The following PRKG1 variants were observed in gnomAD, a reference collection of about 807,000 sequenced individuals.
The protein encoded by PRKG1 is cGMP-dependent protein kinase 1.
A neutral mutation model predicts 88.1 loss-of-function variants in PRKG1; 35 were observed. The observed-to-expected ratio is 0.40, with a 90% CI of 0.30 to 0.53. PRKG1 has a LOEUF of 0.53. Among genes scored for constraint, PRKG1 ranks in the 20% least tolerant of loss-of-function variants. PRKG1 has a pLI of 0.59. For synonymous variants in PRKG1, 303 were observed against 292.5 expected, an observed-to-expected ratio of 1.04 and a Z score of -0.37; for missense variants, 540 against 839.8, an observed-to-expected ratio of 0.64 and a Z score of 4.41.
chr10:52,028,281 T>C (rs779309971), intron 5 of PRKG1, among the ~76,000 whole-genome samples: 12 of 152,192 alleles, frequency 7.9e-5, no homozygotes, highest in Admixed American at 6.5e-5. Flanking sequence ...GTACAGCTCC[T>C]ATCTGCACAT....
intron 2 of PRKG1, among the ~76,000 whole-genome samples, chr10:51,466,599 C>A: frequency 6.6e-6 from 1 of 151,978 alleles, no homozygotes. Context: ...ATTTTATCTC[C>A]ATAGTATTTG....
chr10:51,388,893 G>T (rs553678427), intron 2 of PRKG1, among the ~76,000 whole-genome samples: 1 of 152,312 alleles, frequency 6.6e-6, no homozygotes, highest in South Asian at 2.1e-4. Flanking sequence ...AAATACATTT[G>T]CAATAAAGAC....
intron 3 of PRKG1, among the ~76,000 whole-genome samples, chr10:51,768,076 C>T (rs1838215319): frequency 6.6e-6 from 1 of 151,644 alleles, no homozygotes. Context: ...GCAAAAATAT[C>T]TTCAAAATTG....
At chr10:51,310,978 G>A (rs577458240) in intron 2 of PRKG1, among the ~76,000 whole-genome samples, 11 of 152,210 alleles carry the variant, frequency 7.2e-5, no homozygotes, top group Admixed American at 2.6e-4. Flanking sequence ...GTTAGGTTGA[G>A]TCAAGAAGGC....
chr10:52,088,892 A>C (rs999810854), intron 7 of PRKG1, among the ~76,000 whole-genome samples: 1 of 152,208 alleles, frequency 6.6e-6, no homozygotes, highest in African/African-American at 2.4e-5. Context: ...CTAATCAGAA[A>C]ATCAATAATG....
At chr10:52,020,107 G>A (rs557524256) in intron 5 of PRKG1, among the ~76,000 whole-genome samples, 138 of 149,506 alleles carry the variant, frequency 9.2e-4, no homozygotes, top group African/African-American at 3.1e-3. Flanking sequence ...TTAATCTTCT[G>A]TAAAATTAAG....
chr10:51,322,943 T>TA (rs1165461938), intron 2 of PRKG1, among the ~76,000 whole-genome samples: 1 of 152,230 alleles, frequency 6.6e-6, no homozygotes, highest in Admixed American at 6.5e-5. Context: ...GCAGTTACAA[T>TA]ATGCTGGGCA....
At chr10:52,119,309 T>C (rs540696593) in intron 7 of PRKG1, among the ~76,000 whole-genome samples, 1 of 152,286 alleles carries the variant, frequency 6.6e-6, no homozygotes, top group East Asian at 1.9e-4. Flanking sequence ...TTGATCAACA[T>C]TTCACATGTG....
chr10:51,801,212 T>C (rs752963462), intron 3 of PRKG1, among the ~76,000 whole-genome samples: 3 of 152,234 alleles, frequency 2.0e-5, no homozygotes, highest in Non-Finnish European at 2.9e-5. Flanking sequence ...ATGGTCTCTG[T>C]TGCAATTACT....
intron 2 of PRKG1, among the ~76,000 whole-genome samples, chr10:51,254,215 T>A (rs909153629): frequency 2.0e-5 from 3 of 152,004 alleles, no homozygotes; most frequent in African/African-American, 7.2e-5. Context: ...TACAAGCTTG[T>A]AAGTATTCTA....
intron 3 of PRKG1, among the ~76,000 whole-genome samples, chr10:51,671,452 T>C (rs1840574389): frequency 6.6e-6 from 1 of 152,302 alleles, no homozygotes; most frequent in Admixed American, 6.5e-5. Flanking sequence ...GACTCTGTCC[T>C]AGTTTCTTTT....
intron 4 of PRKG1, among the ~76,000 whole-genome samples, chr10:51,886,328 GT>G (rs577234232): frequency 5.3e-5 from 8 of 151,402 alleles, no homozygotes; most frequent in South Asian, 2.1e-4. Context: ...GTAGTTTTGG[GT>G]TTTTTTTTAA....
chr10:51,199,450 T>C (rs1356517348), intron 2 of PRKG1, among the ~76,000 whole-genome samples: 1 of 152,202 alleles, frequency 6.6e-6, no homozygotes, highest in Non-Finnish European at 1.5e-5. Flanking sequence ...ATCCAGACTC[T>C]AGAAAATTCA....
chr10:51,874,043 A>G (rs929290856), intron 4 of PRKG1, among the ~76,000 whole-genome samples: 1 of 152,218 alleles, frequency 6.6e-6, no homozygotes, highest in Non-Finnish European at 1.5e-5. Flanking sequence ...ATGGAAAATT[A>G]AGGCCCATAG....
At chr10:52,097,882 A>G (rs998536182) in intron 7 of PRKG1, among the ~76,000 whole-genome samples, 2 of 152,086 alleles carry the variant, frequency 1.3e-5, no homozygotes, top group Admixed American at 6.6e-5. Context: ...ATTATAGGGC[A>G]TAATGCTTTG....
chr10:52,083,766 C>T (rs1206071487), intron 7 of PRKG1, among the ~76,000 whole-genome samples: 1 of 151,856 alleles, frequency 6.6e-6, no homozygotes, highest in Admixed American at 6.6e-5. Context: ...TGTGAAATTG[C>T]CTAGGAAATT....
chr10:51,308,283 T>C (rs1318806309), intron 2 of PRKG1, among the ~76,000 whole-genome samples: 1 of 152,216 alleles, frequency 6.6e-6, no homozygotes, highest in East Asian at 1.9e-4. Flanking sequence ...GTTGACTTTT[T>C]GCTTAGCTAG....
intron 2 of PRKG1, among the ~76,000 whole-genome samples, chr10:51,399,224 A>G (rs1169487465): frequency 6.6e-6 from 1 of 152,060 alleles, no homozygotes; most frequent in Non-Finnish European, 1.5e-5. Flanking sequence ...TATATGTATA[A>G]GAGATTTGTT....
At chr10:51,164,245 T>A (rs539259035) in intron 2 of PRKG1, among the ~76,000 whole-genome samples, 1 of 152,152 alleles carries the variant, frequency 6.6e-6, no homozygotes, top group Admixed American at 6.5e-5. Flanking sequence ...TTCACGAAAA[T>A]CCGCTGTTCT....
Sources: allele counts gnomAD v4.1 joint callset (sites outside exome capture counted in the v4.1 genomes callset), GRCh38; gene constraint gnomAD v4.1.1; transcripts MANE v1.5; gene names NCBI Gene and HGNC (gene_info 2026-07-23, HGNC 2026-07-21).